The following TFB1M variants were observed in gnomAD, a reference collection of about 807,000 sequenced individuals.
TFB1M encodes dimethyladenosine transferase 1, mitochondrial.
In TFB1M, 27 loss-of-function variants were observed where a neutral mutation model predicts 31.1. The observed-to-expected ratio is 0.87, with a 90% CI of 0.64 to 1.20. The LOEUF is 1.20. Ranked by LOEUF, TFB1M falls within the 50% of genes most tolerant of loss-of-function variation. The pLI, the probability that TFB1M is intolerant of heterozygous loss-of-function variation, is 0.00. For synonymous variants in TFB1M, 166 were observed against 151.8 expected, an observed-to-expected ratio of 1.09 and a Z score of -0.69; for missense variants, 394 against 418.7, an observed-to-expected ratio of 0.94 and a Z score of 0.51.
At chr6:155,251,071 G>C in the TFB1M span, 3 of 1,534,736 alleles carry the variant, frequency 2.0e-6, no homozygotes, top group South Asian at 3.4e-5. Context: ...CTGGGATTAC[G>C]GAAGAACTTC....
At chr6:155,255,567 A>G (rs1454949466), downstream of TFB1M, 4 of 152,180 alleles carry the variant, frequency 2.6e-5, no homozygotes, top group Admixed American at 1.3e-4. Flanking sequence ...CTTTGTAGAA[A>G]CACCAAAACT....
rs749703631 is a variant in TFB1M, at chr6:155,256,528, G to A, written c.*1308C>T. 6.8e-6 allele frequency: 11 copies of A among 1,614,038 alleles called. No homozygotes were observed. The highest frequency in any genetic ancestry group is 2.2e-5 in the South Asian group (2 of 91,064). ...AGTCCTGAAGAATTCCTCCAGCAAC[G>A]AGTGGACCGGTGAGACTGGCAAGGG... is the stretch of plus-strand genomic sequence containing the variant. On this transcript the variant is annotated 3_prime_UTR_variant, in exon 7 of 7. Coordinates refer to ENST00000367166, the MANE Select transcript of TFB1M (RefSeq NM_016020.4).
chr6:155,302,428 T>C (rs1485015260), intron 2 of TFB1M, among the ~76,000 whole-genome samples: 1 of 152,214 alleles, frequency 6.6e-6, no homozygotes, highest in Non-Finnish European at 1.5e-5. Context: ...AAAAGACTAC[T>C]GCTATTTATT....
rs769512396 is a variant in TFB1M at position 155,257,795 on chromosome 6, G to A, written c.*41C>T. The A allele has an allele frequency of 1.7e-5, 27 of 1,612,826 alleles. No homozygotes were observed. The African/African-American group carries it at 2.7e-4, about 16-fold the overall frequency. The stretch of plus-strand genomic sequence containing the variant: ...ACCTATATAAGAAGCTCCACGTAGT[G>A]CAAATCGACATCTGGTAGGCTGCTC... On this transcript the variant is annotated 3_prime_UTR_variant, in exon 7 of 7. Coordinates refer to ENST00000367166, the MANE Select transcript of TFB1M (RefSeq NM_016020.4).
intron 5 of TFB1M, among the ~76,000 whole-genome samples, chr6:155,265,929 G>A (rs1442059224): frequency 6.6e-6 from 1 of 151,818 alleles, no homozygotes; most frequent in African/African-American, 2.4e-5. Context: ...TTGAGGATAG[G>A]AAGCATCCAG....
Position 155,257,877 on chromosome 6 carries a change from C to CATT in TFB1M, c.997_999dup (p.Asn333dup), listed in dbSNP as rs764085292. On this transcript the variant is annotated inframe_insertion, in exon 7 of 7. Transcript: ENST00000367166. ...TCTGCGTCATCCTCTTCTTTTTCTTCATTTTTGCTTTTTCTTCGCTTGAGT... is the reference window on the plus strand; with the variant it reads ...TCTGCGTCATCCTCTTCTTTTTCTTCATTATTTTTGCTTTTTCTTCGCTTGAGT... 2 of 1,614,156 alleles carry CATT rather than the reference C, an allele frequency of 1.2e-6. No homozygotes were observed. Among genetic ancestry groups the CATT allele is most frequent in the Admixed American group, 1.7e-5 (1 of 60,018 alleles).
chr6:155,251,131 C>G, the TFB1M span: 1 of 927,566 alleles, frequency 1.1e-6, no homozygotes, highest in Admixed American at 1.9e-5. Context: ...GTCAGAATTG[C>G]TATAATGGTT....
intron 5 of TFB1M, chr6:155,276,435 AT>A: frequency 1.4e-6 from 2 of 1,457,384 alleles, no homozygotes; most frequent in South Asian, 2.6e-5. Context: ...GGACTTTTAG[AT>A]TAAAAAAAAA....
the TFB1M span, chr6:155,251,024 T>A: frequency 6.2e-7 from 1 of 1,612,680 alleles, no homozygotes; most frequent in Non-Finnish European, 8.5e-7. Context: ...AGTATTTGGT[T>A]AGTATTCCAT....
chr6:155,281,547 C>A (rs1462306377), intron 5 of TFB1M, among the ~76,000 whole-genome samples: 1 of 151,854 alleles, frequency 6.6e-6, no homozygotes, highest in Non-Finnish European at 1.5e-5. Context: ...CATGGTGAAA[C>A]CTCGTCTCTA....
the TFB1M span, among the ~76,000 whole-genome samples, chr6:155,246,681 C>A: frequency 1.3e-5 from 2 of 152,072 alleles, no homozygotes; most frequent in Admixed American, 6.5e-5. Flanking sequence ...TGAAAGCATA[C>A]CAATGTACTT....
chr6:155,271,788 T>C (rs1211854712), intron 5 of TFB1M, among the ~76,000 whole-genome samples: 2 of 152,202 alleles, frequency 1.3e-5, no homozygotes, highest in Admixed American at 6.5e-5. Flanking sequence ...ACTATGTGAC[T>C]AAAACATTAT....
chr6:155,288,745 T>C (rs544992666), intron 4 of TFB1M, among the ~76,000 whole-genome samples: 1 of 152,304 alleles, frequency 6.6e-6, no homozygotes, highest in East Asian at 1.9e-4. Flanking sequence ...GCAGCACACA[T>C]AGCTGTCCCT....
intron 5 of TFB1M, chr6:155,275,506 G>C: frequency 1.9e-6 from 1 of 521,376 alleles, no homozygotes; most frequent in Non-Finnish European, 3.4e-6. Context: ...ATCTGCTTGG[G>C]GGCTGGAGAA....
At chr6:155,245,957 T>C in the TFB1M span, among the ~76,000 whole-genome samples, 1 of 152,176 alleles carries the variant, frequency 6.6e-6, no homozygotes, top group African/African-American at 2.4e-5. Flanking sequence ...TGCTTTGCCA[T>C]GTGTCACTTT....
At chr6:155,261,256 A>G (rs540575885) in intron 5 of TFB1M, among the ~76,000 whole-genome samples, 22 of 152,386 alleles carry the variant, frequency 1.4e-4, no homozygotes, top group Non-Finnish European at 3.2e-4. Context: ...AAGTCTCGTC[A>G]TAATTGACAA....
At chr6:155,254,081 T>G (rs370739370), downstream of TFB1M, 66 of 1,604,138 alleles carry the variant, frequency 4.1e-5, no homozygotes, top group Admixed American at 2.7e-4. Context: ...CTTCCAAAGA[T>G]TAAAACCAAC....
At chr6:155,244,508 T>A in the TFB1M span, 1 of 917,832 alleles carries the variant, frequency 1.1e-6, no homozygotes, top group Non-Finnish European at 1.6e-6. Flanking sequence ...CCATATCCCA[T>A]AATGAATGTG....
intron 5 of TFB1M, among the ~76,000 whole-genome samples, chr6:155,262,994 TCA>T (rs1200156775): frequency 6.6e-6 from 1 of 152,188 alleles, no homozygotes; most frequent in Non-Finnish European, 1.5e-5. Context: ...AGAATTCCCC[TCA>T]CAAATGCAGT....
Sources: allele counts gnomAD v4.1 joint callset (sites outside exome capture counted in the v4.1 genomes callset), GRCh38; gene constraint gnomAD v4.1.1; transcripts MANE v1.5; gene names NCBI Gene and HGNC (gene_info 2026-07-23, HGNC 2026-07-21).